SCHIP1: variants seen among roughly 807,000 people sequenced by gnomAD.
SCHIP1 encodes schwannomin-interacting protein 1.
SCHIP1 carries 8 observed loss-of-function variants against 29.7 expected under a neutral mutation model. That is an observed-to-expected ratio of 0.27 (90% CI 0.16 to 0.49). SCHIP1 has a LOEUF of 0.49. Among genes scored for constraint, SCHIP1 ranks in the 20% least tolerant of loss-of-function variants. The probability of loss-of-function intolerance (pLI) is 0.99; values close to 1 mark genes in which losing one functional copy is unlikely to be tolerated. For synonymous variants in SCHIP1, 76 were observed against 94.9 expected (o/e 0.80, Z 1.16); for missense variants, 193 against 294.6 (o/e 0.66, Z 2.52).
the SCHIP1 span, among the ~76,000 whole-genome samples, chr3:159,734,135 CTTTTTT>C: frequency 9.9e-6 from 1 of 100,938 alleles, no homozygotes; most frequent in Non-Finnish European, 1.9e-5. Context: ...TTATTGTTTA[CTTTTTT>C]TTTTTTTTTT....
the SCHIP1 span, among the ~76,000 whole-genome samples, chr3:159,723,111 G>T: frequency 6.6e-6 from 1 of 152,126 alleles, no homozygotes; most frequent in East Asian, 1.9e-4. Context: ...ATTATTAATA[G>T]CTCATCCAAA....
At chr3:159,387,302 C>A in the SCHIP1 span, 1 of 288,464 alleles carries the variant, frequency 3.5e-6, no homozygotes, top group Non-Finnish European at 6.8e-6. Flanking sequence ...TTGAGGGATG[C>A]CCCCAGGAAA....
the SCHIP1 span, chr3:159,273,521 C>A: frequency 8.6e-7 from 1 of 1,168,760 alleles, no homozygotes; most frequent in Non-Finnish European, 1.1e-6. Flanking sequence ...GCCTTGTCTT[C>A]TCTGTGTGTT....
chr3:159,321,485 A>G, the SCHIP1 span, among the ~76,000 whole-genome samples: 2 of 152,202 alleles, frequency 1.3e-5, no homozygotes, highest in African/African-American at 4.8e-5. Flanking sequence ...ATATTTGAAT[A>G]TTAAGAAATT....
At chr3:159,871,036 A>G (rs1715201964) in intron 2 of SCHIP1, among the ~76,000 whole-genome samples, 3 of 152,018 alleles carry the variant, frequency 2.0e-5, no homozygotes, top group Admixed American at 2.0e-4. Context: ...TTCTAGGAAT[A>G]TGTCCATTTT....
At chr3:159,725,053 A>C in the SCHIP1 span, among the ~76,000 whole-genome samples, 2 of 152,188 alleles carry the variant, frequency 1.3e-5, no homozygotes, top group Non-Finnish European at 2.9e-5. Flanking sequence ...ACCTAACTGT[A>C]ATAAGTAAAC....
At chr3:159,792,535 G>T in the SCHIP1 span, among the ~76,000 whole-genome samples, 1 of 152,318 alleles carries the variant, frequency 6.6e-6, no homozygotes, top group Admixed American at 6.5e-5. Context: ...TTTAGTCATT[G>T]TAAAATTTAA....
At chr3:159,514,526 C>A in the SCHIP1 span, among the ~76,000 whole-genome samples, 17 of 152,218 alleles carry the variant, frequency 1.1e-4, no homozygotes, top group African/African-American at 4.1e-4. Flanking sequence ...TGAATGAATG[C>A]GTCAGCTTCA....
At chr3:159,419,472 T>C in the SCHIP1 span, among the ~76,000 whole-genome samples, 313 of 152,296 alleles carry the variant, frequency 2.1e-3, no homozygotes, top group Non-Finnish European at 3.6e-3. Flanking sequence ...GCACATTCTT[T>C]CTCCACATTT....
chr3:159,802,735 A>C, the SCHIP1 span, among the ~76,000 whole-genome samples: 1 of 152,206 alleles, frequency 6.6e-6, no homozygotes, highest in East Asian at 1.9e-4. Flanking sequence ...GATATAGCAA[A>C]GTATCAGTTT....
the SCHIP1 span, among the ~76,000 whole-genome samples, chr3:159,359,084 T>C: frequency 5.3e-5 from 8 of 151,750 alleles, no homozygotes; most frequent in African/African-American, 1.9e-4. Context: ...CACACCACCA[T>C]GCCCAGCTAA....
chr3:159,889,092 G>A, intron 5 of SCHIP1, 149 bp downstream of exon 6: 1 of 1,160,046 alleles, frequency 8.6e-7, no homozygotes, highest in Non-Finnish European at 1.2e-6. Context: ...GCTCTTTTTT[G>A]TTGCTGTTGT....
At chr3:159,332,404 T>C in the SCHIP1 span, among the ~76,000 whole-genome samples, 1 of 152,148 alleles carries the variant, frequency 6.6e-6, no homozygotes, top group African/African-American at 2.4e-5. Flanking sequence ...CTCAAATCCG[T>C]CTCCCAAGTC....
chr3:159,824,819 G>A, the SCHIP1 span, among the ~76,000 whole-genome samples: 2 of 152,170 alleles, frequency 1.3e-5, no homozygotes, highest in African/African-American at 4.8e-5. Context: ...CTAAATTGTA[G>A]GTTGTTTCTT....
chr3:159,549,401 T>G, the SCHIP1 span, among the ~76,000 whole-genome samples: 3 of 152,144 alleles, frequency 2.0e-5, no homozygotes, highest in African/African-American at 7.2e-5. Context: ...AACCTCCTCG[T>G]GTGGCTTTAA....
At chr3:159,590,646 G>A in the SCHIP1 span, among the ~76,000 whole-genome samples, 1 of 152,004 alleles carries the variant, frequency 6.6e-6, no homozygotes, top group Non-Finnish European at 1.5e-5. Context: ...TGCATGGTGT[G>A]TTAAATCCCT....
chr3:159,549,011 C>G, the SCHIP1 span, among the ~76,000 whole-genome samples: 42,165 of 151,986 alleles, frequency 0.28, 7,234 homozygotes, highest in Admixed American at 0.37. Flanking sequence ...CTGCTATGCT[C>G]CTCAGAAGAA....
chr3:159,429,774 A>G, the SCHIP1 span, among the ~76,000 whole-genome samples: 1 of 152,170 alleles, frequency 6.6e-6, no homozygotes, highest in Admixed American at 6.5e-5. Context: ...GGCCTTCATG[A>G]AATAAAATTA....
At chr3:159,800,527 C>T in the SCHIP1 span, among the ~76,000 whole-genome samples, 1 of 152,198 alleles carries the variant, frequency 6.6e-6, no homozygotes, top group African/African-American at 2.4e-5. Flanking sequence ...GTGAACTTTG[C>T]ATCAAGACCA....
Sources: allele counts gnomAD v4.1 joint callset (sites outside exome capture counted in the v4.1 genomes callset), GRCh38; gene constraint gnomAD v4.1.1; transcripts MANE v1.5; gene names NCBI Gene and HGNC (gene_info 2026-07-23, HGNC 2026-07-21).